Variants in EPS8L1 observed in about 807,000 individuals in gnomAD.
The protein encoded by EPS8L1 is EPS8 signaling adaptor L1, also known as epidermal growth factor receptor kinase substrate 8-like protein 1.
In EPS8L1, 101 loss-of-function variants were observed where a neutral mutation model predicts 91.7. That is an observed-to-expected ratio of 1.10 (90% CI 0.94 to 1.30). The LOEUF is 1.30. Among genes scored for constraint, EPS8L1 ranks in the 50% most tolerant of loss-of-function variants. EPS8L1 has a pLI of 0.00. For synonymous variants in EPS8L1, 506 were observed against 445.3 expected, an observed-to-expected ratio of 1.14 and a Z score of -1.72; for missense variants, 1,114 against 1,017.0, an observed-to-expected ratio of 1.10 and a Z score of -1.30.
In EPS8L1 at chr19:55,081,464, T is replaced by TGGCGGTTCTGCA; in HGVS notation, c.752_763dup (p.Val251_Ala254dup). The TGGCGGTTCTGCA allele has an allele frequency of 6.3e-7, 1 of 1,594,516 alleles. No homozygotes were observed. Among genetic ancestry groups the TGGCGGTTCTGCA allele is most frequent in the Admixed American group, 1.7e-5 (1 of 57,366 alleles). ...GACCTGGGTCCCCGGGGTCCTGACCTGGCGGTTCTGCAGGCGGAGCGGGAA... is the reference window on the plus strand; with the variant it reads ...GACCTGGGTCCCCGGGGTCCTGACCTGGCGGTTCTGCAGGCGGTTCTGCAGGCGGAGCGGGAA... On this transcript the variant is annotated inframe_insertion, in exon 8 of 20. Transcript: ENST00000201647. This position sits in a 1 kb window ranked among gnomAD's most constrained non-coding sequence, Gnocchi z 4.9.
rs745982838 is a variant in EPS8L1, at chr19:55,087,441, C to G, written c.2085+6C>G. 37 of 1,613,964 alleles carry G rather than the reference C, an allele frequency of 2.3e-5. No individual in the cohort carries two copies. The highest frequency in any genetic ancestry group is 2.8e-5 in the Non-Finnish European group (33 of 1,179,986). On this transcript the variant is annotated splice_donor_region_variant and intron_variant, in intron 19 of 19. Coordinates refer to ENST00000201647, the MANE Select transcript of EPS8L1 (RefSeq NM_133180.3). ...TGCAGCGCTCGCTGCTGGAGGTGAG[C>G]CGGACCGCTGGTCCCTGGGTCTGGG...
In EPS8L1 at chr19:55,081,604, C is replaced by A; in HGVS notation, c.774+112C>A. 5 of 1,312,118 alleles carry A rather than the reference C, an allele frequency of 3.8e-6. No homozygotes were observed. The highest frequency in any genetic ancestry group is 5.4e-5 in the East Asian group (2 of 37,174). The allele number at this position is 1,312,118 out of a possible 1,614,324, so 81.3% of individuals were successfully genotyped here. On this transcript the variant is annotated intron_variant, in intron 8 of 19. Coordinates refer to ENST00000201647, the MANE Select transcript of EPS8L1 (RefSeq NM_133180.3). The surrounding 1 kb of genome is among the most constrained non-coding windows in gnomAD (Gnocchi z 4.9). ...CGGGCGTTCTCTGGTCAGACTTCTG[C>A]GTTATGGAAGAGGGGCTGGGTCGGG...
intron 16 of EPS8L1, 100 bp downstream of exon 16, chr19:55,086,292 G>C: frequency 6.2e-7 from 1 of 1,611,654 alleles, no homozygotes; most frequent in Non-Finnish European, 8.5e-7. Context: ...TGCTGGAGCA[G>C]GTGGTGACTG....
chr19:55,086,143 C>A lies in EPS8L1; in HGVS notation c.1601C>A (p.Pro534His). The stretch of plus-strand genomic sequence containing the variant: ...TATGTGCCCTACAACATCCTGACAC[C>A]CTACCCCGGACCCCGGCTGCACCAC... ...EGYVPYNILTPYPGPRLHHSQ... is the reference protein window; with the variant it reads ...EGYVPYNILTHYPGPRLHHSQ... The change falls in exon 16 of 20, where the codon CCC becomes CAC. Residue 534 changes from proline to histidine, a missense_variant. Coordinates refer to ENST00000201647, the MANE Select transcript of EPS8L1 (RefSeq NM_133180.3). The A allele has an allele frequency of 6.2e-7, 1 of 1,607,076 alleles. No homozygotes were observed. Among genetic ancestry groups the A allele is most frequent in the Non-Finnish European group, 8.5e-7 (1 of 1,176,062 alleles).
rs774605384 is a variant in EPS8L1, at chr19:55,087,355, AAGG to A, written c.2011_2013del (p.Glu671del). ...CGGGGCGCAGCTTTTCTCGCTGCAG[AAGG>A]AGGAGCTGCGGGCGGTGAGCCCCGA... On this transcript the variant is annotated inframe_deletion, in exon 19 of 20. Coordinates refer to ENST00000201647, the MANE Select transcript of EPS8L1 (RefSeq NM_133180.3). 3.7e-6 allele frequency: 6 copies of A among 1,612,830 alleles called. No individual in the cohort carries two copies. The highest frequency in any genetic ancestry group is 5.1e-6 in the Non-Finnish European group (6 of 1,179,648).
chr19:55,086,636 C>A lies in EPS8L1; in HGVS notation c.1778-78C>A. The A allele has an allele frequency of 6.3e-6, 6 of 956,960 alleles. No individual in the cohort carries two copies. The South Asian group carries it at 7.4e-5, about 12-fold the overall frequency. 59.3% of individuals were successfully genotyped at this position (956,960 alleles called of 1,614,324 possible). A position where few individuals can be genotyped will look rare whatever the true frequency, so the allele number is the denominator to read the frequency against. On this transcript the variant is annotated intron_variant, in intron 17 of 19. Transcript: ENST00000201647. ...GTCCCATTCTGGGGACGCTGGAGCG[C>A]CCCCCCGCCCCGCCCTCTGGCCCCA...
chr19:55,080,321 C>T (rs1258274996), intron 6 of EPS8L1, 43 bp downstream of exon 6: 15 of 1,520,154 alleles, frequency 9.9e-6, no homozygotes, highest in Non-Finnish European at 1.2e-5. Flanking sequence ...TGGAACTGGG[C>T]GGAGCCTGGA....
intron 4 of EPS8L1, 126 bp downstream of exon 4, chr19:55,079,183 T>A: frequency 1.0e-6 from 1 of 985,770 alleles, no homozygotes; most frequent in Non-Finnish European, 1.6e-6. Context: ...TGCCCATCCA[T>A]AAAATGGACC....
chr19:55,086,288 A>C (rs1466963142), intron 16 of EPS8L1, 96 bp downstream of exon 16: 64 of 1,611,938 alleles, frequency 4.0e-5, no homozygotes, highest in Non-Finnish European at 5.4e-5. Context: ...AGAGTGCTGG[A>C]GCAGGTGGTG....
intron 14 of EPS8L1, among the ~76,000 whole-genome samples, chr19:55,085,310 C>A (rs1016413149): frequency 3.3e-5 from 5 of 152,132 alleles, no homozygotes; most frequent in Admixed American, 6.6e-5. Context: ...GGACTACAGG[C>A]GCGTGCCACC....
At position 55,082,092 on chromosome 19, in the gene EPS8L1, A is replaced by T; in HGVS notation, c.902A>T (p.Glu301Val). The T allele has an allele frequency of 6.3e-7, 1 of 1,586,138 alleles. No homozygotes were observed. The highest frequency in any genetic ancestry group is 8.6e-7 in the Non-Finnish European group (1 of 1,166,852). The change falls in exon 10 of 20, where the codon GAG becomes GTG. Residue 301 changes from glutamate to valine, a missense_variant and splice_region_variant. Glu to Val is a moderately radical substitution (Grantham distance 121, BLOSUM62 -2). Transcript: ENST00000201647. ...CGCCGCGCCCGTCTGCTCCCCTCAGAGGGCTTGCTGACGCTGCGGGCCAAG... is the reference window on the plus strand; with the variant it reads ...CGCCGCGCCCGTCTGCTCCCCTCAGTGGGCTTGCTGACGCTGCGGGCCAAG... ...GRRSRRRAAG[E>V]GLLTLRAKPP...
chr19:55,087,535 A>G lies in EPS8L1; in HGVS notation c.2093A>G (p.Glu698Gly). ...TVQRSLLEDK[E>G]KVSELEAVME... ...TTCCACCCCGCCCTCCAGGACAAAG[A>G]GAAAGTGTCAGAGCTGGAGGCAGTG... The change falls in exon 20 of 20, where the codon GAG becomes GGG. Residue 698 changes from glutamate (E) to glycine (G), a missense_variant. Glu to Gly is a moderately conservative substitution (Grantham distance 98). Transcript: ENST00000201647. 2 of 1,614,112 alleles carry G rather than the reference A, an allele frequency of 1.2e-6. No homozygotes were observed. The highest frequency in any genetic ancestry group is 1.7e-6 in the Non-Finnish European group (2 of 1,180,006).
chr19:55,081,276 G>C lies in EPS8L1; in HGVS notation c.558G>C (p.Glu186Asp), dbSNP rs1463485213. Residue 186 changes from glutamate to aspartate, a missense_variant, in exon 8 of 20, where the codon GAG (glutamate) becomes GAC (aspartate). Transcript: ENST00000201647. The surrounding 1 kb of genome is among the most constrained non-coding windows in gnomAD (Gnocchi z 4.9). ...ELQRDRSPAA[E>D]TPPLQRRPSV... Reference sequence around the variant, plus strand: ...AGCGCGACCGCTCGCCCGCCGCTGAGACCCCGCCCCTGCAGCGCCGCCCGT... The same window carrying C: ...AGCGCGACCGCTCGCCCGCCGCTGACACCCCGCCCCTGCAGCGCCGCCCGT... The C allele has an allele frequency of 3.2e-6, 5 of 1,541,216 alleles. No individual in the cohort carries two copies. The highest frequency in any genetic ancestry group is 4.3e-6 in the Non-Finnish European group (5 of 1,152,798).
chr19:55,082,924 T>C (rs560292312), intron 12 of EPS8L1, among the ~76,000 whole-genome samples: 13 of 151,664 alleles, frequency 8.6e-5, no homozygotes, highest in African/African-American at 3.1e-4. Context: ...GAAGGTTTGG[T>C]CTATAACTTT....
rs774144714 is a variant in EPS8L1, at chr19:55,082,260, C to T, written c.991-15C>T. The T allele has an allele frequency of 8.7e-6, 14 of 1,609,230 alleles. No individual in the cohort carries two copies. The African/African-American group carries it at 1.6e-4, about 18-fold the overall frequency. ...CCCCGCACCCACGCCAACCACCTCCCTCCCCACGCCCCAGGCCCGGCTGCG... is the reference window on the plus strand; with the variant it reads ...CCCCGCACCCACGCCAACCACCTCCTTCCCCACGCCCCAGGCCCGGCTGCG... On this transcript the variant is annotated splice_polypyrimidine_tract_variant and intron_variant, in intron 10 of 19. Transcript: ENST00000201647.
chr19:55,087,495 C>A (rs1313191698), intron 19 of EPS8L1, 33 bp from the exon 20 acceptor site: 1 of 1,613,996 alleles, frequency 6.2e-7, no homozygotes, highest in Non-Finnish European at 8.5e-7. Flanking sequence ...GGCTCGGACG[C>A]CAGGACAAAG....
Position 55,083,739 on chromosome 19 carries a change from T to C in EPS8L1, c.1385+95T>C, listed in dbSNP as rs901394699. 2.0e-6 allele frequency: 3 copies of C among 1,519,120 alleles called. No individual in the cohort carries two copies. Among genetic ancestry groups the C allele is most frequent in the Non-Finnish European group, 2.7e-6 (3 of 1,120,560 alleles). 94.1% of individuals were successfully genotyped at this position (1,519,120 alleles called of 1,614,324 possible). A position where few individuals can be genotyped will look rare whatever the true frequency, so the allele number is the denominator to read the frequency against. ...CTCCGCCCCCTTTTTTTCTGTGTTTTTCCTTCTGTCTTCCTGGCTCTTCTC... is the reference window on the plus strand; with the variant it reads ...CTCCGCCCCCTTTTTTTCTGTGTTTCTCCTTCTGTCTTCCTGGCTCTTCTC... On this transcript the variant is annotated intron_variant, in intron 14 of 19. Transcript: ENST00000201647. The surrounding 1 kb of genome is among the most constrained non-coding windows in gnomAD (Gnocchi z 4.7).
intron 2 of EPS8L1, 65 bp from the exon 3 acceptor site, chr19:55,078,023 C>CT: frequency 6.6e-7 from 1 of 1,519,270 alleles, no homozygotes. Context: ...TGCTGCCCTG[C>CT]TTGGCATTTC....
chr19:55,087,780 T>C lies in EPS8L1; in HGVS notation c.*166T>C. On this transcript the variant is annotated 3_prime_UTR_variant, in exon 20 of 20. Transcript: ENST00000201647. The stretch of plus-strand genomic sequence containing the variant: ...ACTTAACGATCCTTGCTGCAGTCCC[T>C]CCGGAGAGGATCTGGACTGGCTGGG... 1 of 707,452 alleles carries C rather than the reference T, an allele frequency of 1.4e-6. No individual in the cohort carries two copies. The allele number at this position is 707,452 out of a possible 1,614,324, so 43.8% of individuals were successfully genotyped here. A position where few individuals can be genotyped will look rare whatever the true frequency, so the allele number is the denominator to read the frequency against.
Sources: allele counts gnomAD v4.1 joint callset (sites outside exome capture counted in the v4.1 genomes callset), GRCh38; gene constraint gnomAD v4.1.1; non-coding constraint Gnocchi (gnomAD v3.1); transcripts MANE v1.5; gene names NCBI Gene and HGNC (gene_info 2026-07-23, HGNC 2026-07-21).